TLN2: variants seen among roughly 807,000 people sequenced by gnomAD.
TLN2 encodes the protein talin 2.
A neutral mutation model predicts 294.7 loss-of-function variants in TLN2; 118 were observed. The ratio of observed to expected loss-of-function variants is 0.40; its 90% confidence interval spans 0.34 to 0.47. The LOEUF is 0.47. TLN2 is among the 20% of genes least tolerant of loss of function. The pLI, the probability that TLN2 is intolerant of heterozygous loss-of-function variation, is 0.84. For synonymous variants in TLN2, 1,431 were observed against 1,304.5 expected (o/e 1.10, Z -2.09); for missense variants, 3,083 against 3,282.2 (o/e 0.94, Z 1.48).
chr15:62,689,068 CTTT>C (rs796645804), intron 12 of TLN2, among the ~76,000 whole-genome samples: 182 of 116,624 alleles, frequency 1.6e-3, no homozygotes, highest in Admixed American at 2.0e-3. Context: ...TTCTCTCTCT[CTTT>C]TTTTTTTTTT....
chr15:62,476,738 G>A (rs2037802399), intron 1 of TLN2, among the ~76,000 whole-genome samples: 1 of 152,126 alleles, frequency 6.6e-6, no homozygotes, highest in African/African-American at 2.4e-5. Flanking sequence ...AGCCACAATG[G>A]CCTGCCTTTA....
At position 62,761,933 on chromosome 15, in the gene TLN2, C is replaced by A. The variant is rs2062703243; in HGVS notation, c.4779+112C>A. ...GCTCTCTCTGTCAACATGTAGGCTA[C>A]TGTTACTCTTGTCAATGATGGCATG... On this transcript the variant is annotated intron_variant, in intron 38 of 58. Transcript: ENST00000636159. 3.6e-6 allele frequency: 5 copies of A among 1,400,474 alleles called. No individual in the cohort carries two copies. The Admixed American group carries it at 5.3e-5, about 15-fold the overall frequency. The allele number at this position is 1,400,474 out of a possible 1,614,324, so 86.8% of individuals were successfully genotyped here.
At chr15:62,817,791 C>T (rs2067230514) in intron 52 of TLN2, among the ~76,000 whole-genome samples, 1 of 151,448 alleles carries the variant, frequency 6.6e-6, no homozygotes, top group Non-Finnish European at 1.5e-5. Flanking sequence ...GAGAAATACT[C>T]TCCATGTGTT....
intron 1 of TLN2, among the ~76,000 whole-genome samples, chr15:62,471,206 G>T (rs557831072): frequency 6.6e-6 from 1 of 152,292 alleles, no homozygotes; most frequent in African/African-American, 2.4e-5. Context: ...GCATGATGGC[G>T]TGTGCCTGTA....
At chr15:62,557,634 C>T (rs561406055) in intron 1 of TLN2, among the ~76,000 whole-genome samples, 50 of 152,262 alleles carry the variant, frequency 3.3e-4, no homozygotes, top group African/African-American at 9.1e-4. Context: ...CTCCACCTCC[C>T]GGGCTCAAGT....
At chr15:62,722,139 T>C (rs1382727440) in intron 25 of TLN2, among the ~76,000 whole-genome samples, 3 of 152,106 alleles carry the variant, frequency 2.0e-5, no homozygotes, top group Non-Finnish European at 2.9e-5. Context: ...CCATGACACC[T>C]CCTTTTTTTC....
At chr15:62,516,354 AT>A (rs2040191885) in intron 1 of TLN2, among the ~76,000 whole-genome samples, 1 of 152,018 alleles carries the variant, frequency 6.6e-6, no homozygotes, top group East Asian at 1.9e-4. Context: ...TCCTCTTTGG[AT>A]TATGTTTTCA....
intron 2 of TLN2, among the ~76,000 whole-genome samples, chr15:62,612,823 A>G (rs1334608145): frequency 6.6e-6 from 1 of 152,234 alleles, no homozygotes; most frequent in Non-Finnish European, 1.5e-5. Context: ...AATGTATGAA[A>G]TGAACATTTG....
At chr15:62,758,764 C>T (rs1243328711) in intron 37 of TLN2, 1 of 152,150 alleles carries the variant, frequency 6.6e-6, no homozygotes, top group African/African-American at 2.4e-5. Flanking sequence ...GTTCTGTTGC[C>T]TTTGTCTAAG....
At chr15:62,504,780 G>C (rs1345567323) in intron 1 of TLN2, among the ~76,000 whole-genome samples, 1 of 151,172 alleles carries the variant, frequency 6.6e-6, no homozygotes, top group African/African-American at 2.4e-5. Flanking sequence ...GTGCTGAGAG[G>C]GTAACAGGAA....
intron 2 of TLN2, among the ~76,000 whole-genome samples, chr15:62,596,414 C>G (rs750582327): frequency 1.3e-5 from 2 of 151,964 alleles, no homozygotes; most frequent in Non-Finnish European, 2.9e-5. Flanking sequence ...ATAGCATGTT[C>G]TATAACTTTT....
intron 1 of TLN2, among the ~76,000 whole-genome samples, chr15:62,537,953 G>A (rs1005717043): frequency 2.0e-5 from 3 of 152,192 alleles, no homozygotes; most frequent in Admixed American, 2.0e-4. Flanking sequence ...TGGTCGTGGT[G>A]GCTCACGTCT....
At chr15:62,564,925 A>AT (rs1555430770) in intron 1 of TLN2, among the ~76,000 whole-genome samples, 1,512 of 80,506 alleles carry the variant, frequency 0.019, 11 homozygotes, top group African/African-American at 0.038. Flanking sequence ...AAAAAAAAAA[A>AT]ATATATATAT....
chr15:62,836,887 A>G (rs779931427), intron 57 of TLN2, among the ~76,000 whole-genome samples: 7 of 152,188 alleles, frequency 4.6e-5, no homozygotes, highest in East Asian at 1.9e-4. Flanking sequence ...ACATTTTATC[A>G]TATGTAATTT....
At chr15:62,568,132 G>T (rs1000309168) in intron 1 of TLN2, among the ~76,000 whole-genome samples, 1 of 152,098 alleles carries the variant, frequency 6.6e-6, no homozygotes, top group Admixed American at 6.5e-5. Context: ...AGGGAAAGGG[G>T]GCTGGGCATG....
chr15:62,620,716 A>C (rs1210069873), intron 3 of TLN2, among the ~76,000 whole-genome samples: 1 of 151,662 alleles, frequency 6.6e-6, no homozygotes, highest in Admixed American at 6.6e-5. Context: ...TCGTGGGCTC[A>C]AGCGATCCTC....
At chr15:62,437,419 T>A (rs1224311557) in intron 1 of TLN2, among the ~76,000 whole-genome samples, 1 of 152,108 alleles carries the variant, frequency 6.6e-6, no homozygotes, top group Non-Finnish European at 1.5e-5. Context: ...CTGACCTTTT[T>A]TTTTTTGTAG....
rs1460180303 is a variant in TLN2 at position 62,669,630 on chromosome 15, A to G, written c.789-4197A>G. Reference sequence around the variant, plus strand: ...ACTTGCTTAATTAGGAAAATTTCCAATCAACTTTGATAGTCTGACCCATTT... The same window carrying G: ...ACTTGCTTAATTAGGAAAATTTCCAGTCAACTTTGATAGTCTGACCCATTT... On this transcript the variant is annotated intron_variant, in intron 9 of 58. Coordinates refer to ENST00000636159, the MANE Select transcript of TLN2 (RefSeq NM_015059.3). Among the ~76,000 whole-genome samples the G allele has an allele frequency of 2.6e-5, 4 of 152,200 alleles. No individual in the cohort carries two copies. In the South Asian group the frequency reaches 6.2e-4, roughly 24 times the overall value.
chr15:62,529,104 T>C (rs2414775), intron 1 of TLN2, among the ~76,000 whole-genome samples: 1 of 151,362 alleles, frequency 6.6e-6, no homozygotes, highest in Non-Finnish European at 1.5e-5. Context: ...CTTTTTTTTT[T>C]TGTGTGTGTG....
Sources: allele counts gnomAD v4.1 joint callset (sites outside exome capture counted in the v4.1 genomes callset), GRCh38; gene constraint gnomAD v4.1.1; transcripts MANE v1.5; gene names NCBI Gene and HGNC (gene_info 2026-07-23, HGNC 2026-07-21).